RB1: variants seen among roughly 807,000 people sequenced by gnomAD.
RB1 encodes retinoblastoma-associated protein.
RB1 carries 18 observed loss-of-function variants against 135.4 expected under a neutral mutation model. That is an observed-to-expected ratio of 0.13 (90% CI 0.09 to 0.20). The LOEUF is 0.20. Among genes scored for constraint, RB1 ranks in the 10% least tolerant of loss-of-function variants. The pLI, the probability that RB1 is intolerant of heterozygous loss-of-function variation, is 1.00. For synonymous variants in RB1, 365 were observed against 373.2 expected (o/e 0.98, Z 0.25); for missense variants, 868 against 1,110.0 (o/e 0.78, Z 3.10).
In RB1 at chr13:48,363,006, G is replaced by C. The variant is rs747838740; in HGVS notation, c.861+49G>C. The C allele has an allele frequency of 6.9e-6, 11 of 1,592,400 alleles. No homozygotes were observed. In the South Asian group the frequency reaches 1.2e-4, roughly 18 times the overall value. On this transcript the variant is annotated intron_variant, in intron 8 of 26. Transcript: ENST00000267163. ...TAAAACAGTTAAAGTAGATTTAGATGTAAGTTCTCCCTAACAATATTTACT... is the reference window on the plus strand; with the variant it reads ...TAAAACAGTTAAAGTAGATTTAGATCTAAGTTCTCCCTAACAATATTTACT...
chr13:48,344,928 A>C (rs3092899), intron 3 of RB1, 152 bp from the exon 4 acceptor site: 1 of 899,100 alleles, frequency 1.1e-6, no homozygotes, highest in Non-Finnish European at 1.6e-6. Context: ...AAGGCTAATT[A>C]TTTTTGCAAA....
chr13:48,421,411 A>T (rs967838596), intron 17 of RB1, among the ~76,000 whole-genome samples: 1 of 152,146 alleles, frequency 6.6e-6, no homozygotes, highest in African/African-American at 2.4e-5. Context: ...AGCCATGAAA[A>T]CCCTAGAAGA....
At chr13:48,416,854 A>G (rs1049192907) in intron 17 of RB1, among the ~76,000 whole-genome samples, 1 of 152,072 alleles carries the variant, frequency 6.6e-6, no homozygotes, top group Non-Finnish European at 1.5e-5. Flanking sequence ...CTGTAGCCCA[A>G]CTGCTTCTCT....
intron 2 of RB1, among the ~76,000 whole-genome samples, chr13:48,324,083 A>T (rs1952264131): frequency 6.6e-6 from 1 of 152,104 alleles, no homozygotes; most frequent in Non-Finnish European, 1.5e-5. Context: ...GAGACATAAT[A>T]GGTGTACATA....
At chr13:48,458,690 T>G (rs1949377477) in intron 19 of RB1, among the ~76,000 whole-genome samples, 1 of 152,234 alleles carries the variant, frequency 6.6e-6, no homozygotes, top group Non-Finnish European at 1.5e-5. Flanking sequence ...AATTGTTAGC[T>G]TTAAAAATTT....
intron 20 of RB1, 47 bp from the exon 21 acceptor site, chr13:48,463,684 A>C (rs1949419096): frequency 1.8e-6 from 2 of 1,135,466 alleles, no homozygotes; most frequent in Non-Finnish European, 2.7e-6. Context: ...TAAGAACAAA[A>C]CCATGTAATA....
At chr13:48,479,924 A>AAT in intron 26 of RB1, 74 bp from the exon 27 acceptor site, 1 of 1,173,748 alleles carries the variant, frequency 8.5e-7, no homozygotes, top group Non-Finnish European at 1.3e-6. Flanking sequence ...ACATGAGCAT[A>AAT]ATATATATGG....
chr13:48,405,783 C>G (rs960887057), intron 17 of RB1, among the ~76,000 whole-genome samples: 6 of 152,144 alleles, frequency 3.9e-5, no homozygotes, highest in African/African-American at 1.4e-4. Context: ...ATCCCATTTC[C>G]AACCCCACCC....
Position 48,367,513 on chromosome 13 carries a change from G to T in RB1, c.959G>T (p.Arg320Leu), listed in dbSNP as rs760787104. 6.2e-7 allele frequency: 1 copy of T among 1,603,574 alleles called. No homozygotes were observed. The highest frequency in any genetic ancestry group is 1.1e-5 in the South Asian group (1 of 90,904). Residue 320 changes from arginine (R) to leucine (L), a missense_variant, in exon 10 of 27, where the codon CGA becomes CTA. By Grantham distance (102) the Arg-to-Leu change is moderately radical. Transcript: ENST00000267163. ...GLPEVENLSKRYEEIYLKNKD... is the reference protein window; with the variant it reads ...GLPEVENLSKLYEEIYLKNKD... ...TTCAAGGTTGAAAATCTTTCTAAAC[G>T]ATACGAAGAAATTTATCTTAAAAAT...
intron 17 of RB1, among the ~76,000 whole-genome samples, chr13:48,388,092 T>G (rs1948584131): frequency 6.6e-6 from 1 of 152,252 alleles, no homozygotes; most frequent in African/African-American, 2.4e-5. Context: ...AACTAGTCAT[T>G]TATAAACTTT....
intron 20 of RB1, among the ~76,000 whole-genome samples, chr13:48,463,331 C>G (rs1353151057): frequency 6.6e-6 from 1 of 152,166 alleles, no homozygotes; most frequent in African/African-American, 2.4e-5. Context: ...GTCACCATAG[C>G]CTCCTTACCA....
chr13:48,459,427 G>A (rs1250945515), intron 19 of RB1, among the ~76,000 whole-genome samples: 1 of 152,122 alleles, frequency 6.6e-6, no homozygotes, highest in Non-Finnish European at 1.5e-5. Flanking sequence ...AGAATAGCAT[G>A]CCTGGGGAGG....
chr13:48,351,345 CT>C (rs34862019), intron 6 of RB1, among the ~76,000 whole-genome samples: 11 of 151,782 alleles, frequency 7.2e-5, no homozygotes, highest in African/African-American at 2.4e-4. Flanking sequence ...TGATATGGAG[CT>C]TTTTTTTCAT....
At position 48,424,705 on chromosome 13, in the gene RB1, A is replaced by G. The variant is rs566526748; in HGVS notation, c.1696-28288A>G. On this transcript the variant is annotated intron_variant, in intron 17 of 26. Coordinates refer to ENST00000267163, the MANE Select transcript of RB1 (RefSeq NM_000321.3). Reference sequence around the variant, plus strand: ...TTAATCTCATCAGTTCCTTTTCTGTACTTCCACAGTACTTAGTTTGCCTTT... The same window carrying G: ...TTAATCTCATCAGTTCCTTTTCTGTGCTTCCACAGTACTTAGTTTGCCTTT... 3.3e-5 allele frequency among the ~76,000 whole-genome samples: 5 copies of G among 152,094 alleles called. No homozygotes were observed. In the East Asian group the frequency reaches 9.7e-4, roughly 29 times the overall value.
chr13:48,465,130 T>G lies in RB1; in HGVS notation c.2325+19T>G. Reference sequence around the variant, plus strand: ...CACCAGGGTAGGTCAAAAGTATCCTTTGATTGGAAAAATCTAATGTAATGG... The same window carrying G: ...CACCAGGGTAGGTCAAAAGTATCCTGTGATTGGAAAAATCTAATGTAATGG... On this transcript the variant is annotated intron_variant, in intron 22 of 26. Transcript: ENST00000267163. The G allele has an allele frequency of 6.2e-7, 1 of 1,613,640 alleles. No individual in the cohort carries two copies. Among genetic ancestry groups the G allele is most frequent in the Non-Finnish European group, 8.5e-7 (1 of 1,179,616 alleles).
At chr13:48,455,843 GA>G (rs1391473893) in intron 18 of RB1, among the ~76,000 whole-genome samples, 1 of 152,096 alleles carries the variant, frequency 6.6e-6, no homozygotes, top group Non-Finnish European at 1.5e-5. Context: ...AAAATTTTTA[GA>G]AGGAGAATCA....
intron 8 of RB1, among the ~76,000 whole-genome samples, chr13:48,363,275 G>C (rs936418366): frequency 6.6e-6 from 1 of 151,898 alleles, no homozygotes; most frequent in Non-Finnish European, 1.5e-5. Flanking sequence ...CCAAGGCTGG[G>C]CATGGTGGCT....
At chr13:48,424,966 A>C (rs1446718734) in intron 17 of RB1, among the ~76,000 whole-genome samples, 4 of 152,142 alleles carry the variant, frequency 2.6e-5, no homozygotes, top group Non-Finnish European at 4.4e-5. Context: ...AGGCAGGAGA[A>C]TCACTTGAAC....
chr13:48,381,243 T>C lies in RB1; in HGVS notation c.1499-4T>C. 1 of 1,601,368 alleles carries C rather than the reference T, an allele frequency of 6.2e-7. No homozygotes were observed. Among genetic ancestry groups the C allele is most frequent in the Non-Finnish European group, 8.5e-7 (1 of 1,174,416 alleles). Reference sequence around the variant, plus strand: ...AAATAGTTACTTTTTTTTTTCATTTTTAGGAAGTACATCTCAGAATCTTGA... The same window carrying C: ...AAATAGTTACTTTTTTTTTTCATTTCTAGGAAGTACATCTCAGAATCTTGA... On this transcript the variant is annotated splice_polypyrimidine_tract_variant and splice_region_variant and intron_variant, in intron 16 of 26. Coordinates refer to ENST00000267163, the MANE Select transcript of RB1 (RefSeq NM_000321.3).
Sources: allele counts gnomAD v4.1 joint callset (sites outside exome capture counted in the v4.1 genomes callset), GRCh38; gene constraint gnomAD v4.1.1; transcripts MANE v1.5; gene names NCBI Gene and HGNC (gene_info 2026-07-23, HGNC 2026-07-21).